MED18: variants seen among roughly 807,000 people sequenced by gnomAD.
The protein encoded by MED18 is mediator complex subunit 18.
Under a neutral mutation model 13.9 loss-of-function variants are expected in MED18, and 10 were observed. The ratio of observed to expected loss-of-function variants is 0.72; its 90% CI spans 0.44 to 1.22. The LOEUF (loss-of-function observed/expected upper bound fraction) is 1.22, where lower values mean the gene tolerates loss of function less well. Among genes scored for constraint, MED18 ranks in the 50% most tolerant of loss-of-function variants. The pLI is 0.00. For missense variants in MED18, 216 were observed against 279.0 expected (o/e 0.77, Z 1.61); for synonymous variants, 88 against 93.2 (o/e 0.94, Z 0.32).
chr1:28,332,250 T>TA lies in MED18; in HGVS notation c.73+1526dup, dbSNP rs35755917. On this transcript the variant is annotated intron_variant, in intron 2 of 2. Transcript: ENST00000373842. The stretch of plus-strand genomic sequence containing the variant: ...CAACATAGCAAGAACTCATCTCTAC[T>TA]AAAAAAAAAAATTAGCTGGGCATGG... 2.5e-4 allele frequency among the ~76,000 whole-genome samples: 36 copies of TA among 146,326 alleles called. 1 individual carries two copies. Among genetic ancestry groups the TA allele is most frequent in the African/African-American group, 2.2e-4 (9 of 40,114 alleles).
At position 28,330,708 on chromosome 1, in the gene MED18, A is replaced by G. The variant is rs767735318; in HGVS notation, c.46A>G (p.Ile16Val). Residue 16 changes from isoleucine (I) to valine (V), a missense_variant, in exon 2 of 3, where the codon ATT (isoleucine) becomes GTT (valine). Physicochemically the swap from Ile to Val is conservative, Grantham distance 29. Transcript: ENST00000373842. The part of the protein sequence containing the change: ...VTMMPVTGGT[I>V]NMMEYLLQGS... Reference sequence around the variant, plus strand: ...CATGATGCCTGTCACTGGGGGCACCATTAACATGATGGAGTACCTGTTGCA... The same window carrying G: ...CATGATGCCTGTCACTGGGGGCACCGTTAACATGATGGAGTACCTGTTGCA... 25 of 1,603,542 alleles carry G rather than the reference A, an allele frequency of 1.6e-5. No homozygotes were observed. The South Asian group carries it at 2.6e-4, about 17-fold the overall frequency.
At chr1:28,329,441 AG>A (rs1649632979) in intron 1 of MED18, among the ~76,000 whole-genome samples, 1 of 151,756 alleles carries the variant, frequency 6.6e-6, no homozygotes, top group Admixed American at 6.6e-5. Context: ...GCTCGCCACC[AG>A]GCCTGGCTAA....
chr1:28,333,868 G>A lies in MED18; in HGVS notation c.74-549G>A, dbSNP rs535101054. Among the ~76,000 whole-genome samples the A allele has an allele frequency of 6.6e-5, 10 of 152,150 alleles. 1 individual carries two copies. Among genetic ancestry groups the A allele is most frequent in the Middle Eastern group, 3.4e-3 (1 of 294 alleles). Reference sequence around the variant, plus strand: ...AGCTAGACTCCGTCTCAAAAAAAGCGGGGGAGACTTTATATTTCTTCTATA... The same window carrying A: ...AGCTAGACTCCGTCTCAAAAAAAGCAGGGGAGACTTTATATTTCTTCTATA... On this transcript the variant is annotated intron_variant, in intron 2 of 2. Transcript: ENST00000373842.
At position 28,334,731 on chromosome 1, in the gene MED18, G is replaced by T; in HGVS notation, c.388G>T (p.Val130Phe). ...GGGCTTCCGCATGGACCATGAGTTTGTTGCTAAGGGACATTTGTTCCGTAA... is the reference window on the plus strand; with the variant it reads ...GGGCTTCCGCATGGACCATGAGTTTTTTGCTAAGGGACATTTGTTCCGTAA... ...EMGFRMDHEF[V>F]AKGHLFRKGI... Residue 130 changes from valine to phenylalanine, a missense_variant, in exon 3 of 3, where the codon GTT becomes TTT. Transcript: ENST00000373842. 1 of 1,614,212 alleles carries T rather than the reference G, an allele frequency of 6.2e-7. No individual in the cohort carries two copies. Among genetic ancestry groups the T allele is most frequent in the Non-Finnish European group, 8.5e-7 (1 of 1,180,044 alleles).
chr1:28,331,411 A>G (rs1200178848), intron 2 of MED18, among the ~76,000 whole-genome samples: 2 of 151,590 alleles, frequency 1.3e-5, no homozygotes, highest in African/African-American at 2.4e-5. Flanking sequence ...TGCAACCTCT[A>G]TCTACTTCCC....
At chr1:28,332,998 G>A (rs570169787) in intron 2 of MED18, among the ~76,000 whole-genome samples, 16 of 152,246 alleles carry the variant, frequency 1.1e-4, no homozygotes, top group African/African-American at 3.9e-4. Flanking sequence ...AAAGAAAGAG[G>A]GTGTGAGTCA....
intron 2 of MED18, among the ~76,000 whole-genome samples, chr1:28,332,844 G>A (rs140450093): frequency 9.8e-5 from 15 of 152,316 alleles, no homozygotes; most frequent in Admixed American, 2.6e-4. Context: ...AGAAGGCAAA[G>A]GTAGAAAGAG....
rs746688171 is a variant in MED18 at position 28,334,409 on chromosome 1, G to A, written c.74-8G>A. 16 of 1,604,736 alleles carry A rather than the reference G, an allele frequency of 1.0e-5. No individual in the cohort carries two copies. Among genetic ancestry groups the A allele is most frequent in the Admixed American group, 3.4e-5 (2 of 58,628 alleles). On this transcript the variant is annotated splice_region_variant and splice_polypyrimidine_tract_variant and intron_variant, in intron 2 of 2. Transcript: ENST00000373842. ...GACAGGACTCAGTGGTGCTTTTTCC[G>A]TTTTCAGGAAGTGTTTTAGATCACA...
chr1:28,332,128 C>CA (rs1425691273), intron 2 of MED18, among the ~76,000 whole-genome samples: 1 of 152,162 alleles, frequency 6.6e-6, no homozygotes, highest in African/African-American at 2.4e-5. Context: ...AAATGTATGT[C>CA]AAGCCAGCTG....
chr1:28,333,452 A>T (rs1021907720), intron 2 of MED18, among the ~76,000 whole-genome samples: 1 of 152,248 alleles, frequency 6.6e-6, no homozygotes, highest in Non-Finnish European at 1.5e-5. Flanking sequence ...TAGATTTCAT[A>T]GTGGGTATAA....
intron 1 of MED18, among the ~76,000 whole-genome samples, chr1:28,330,033 G>A (rs1557752638): frequency 6.6e-6 from 1 of 152,072 alleles, no homozygotes; most frequent in Admixed American, 6.5e-5. Flanking sequence ...ACTTTGGGAG[G>A]CCGGATCACC....
At chr1:28,334,015 G>T (rs1044731588) in intron 2 of MED18, among the ~76,000 whole-genome samples, 5 of 152,108 alleles carry the variant, frequency 3.3e-5, no homozygotes. Context: ...GGAGACCAAG[G>T]CCAGGAGTTC....
intron 2 of MED18, among the ~76,000 whole-genome samples, chr1:28,331,598 C>T (rs1169511593): frequency 6.6e-6 from 1 of 152,106 alleles, no homozygotes; most frequent in East Asian, 1.9e-4. Context: ...TCCCAAAGTG[C>T]TAGGATTACA....
chr1:28,333,118 A>G (rs1405853138), intron 2 of MED18, among the ~76,000 whole-genome samples: 1 of 152,206 alleles, frequency 6.6e-6, no homozygotes, highest in Non-Finnish European at 1.5e-5. Flanking sequence ...GAAAAAATCA[A>G]CAGTTTGATA....
intron 1 of MED18, among the ~76,000 whole-genome samples, chr1:28,329,930 CCTCTTTATTAT>C (rs1230128083): frequency 6.6e-6 from 1 of 152,090 alleles, no homozygotes; most frequent in African/African-American, 2.4e-5. Flanking sequence ...AATTTTGTTG[CCTCTTTATTAT>C]CTCGTTTGAG....
At position 28,334,840 on chromosome 1, in the gene MED18, C is replaced by T; in HGVS notation, c.497C>T (p.Ser166Phe). 1 of 1,614,086 alleles carries T rather than the reference C, an allele frequency of 6.2e-7. No homozygotes were observed. Among genetic ancestry groups the T allele is most frequent in the South Asian group, 1.1e-5 (1 of 91,080 alleles). The change falls in exon 3 of 3, where the codon TCC becomes TTC. Residue 166 changes from serine (S) to phenylalanine (F), a missense_variant. Ser to Phe is a radical substitution (Grantham distance 155, BLOSUM62 -2). Transcript: ENST00000373842. ...GACAGCACTGAGGCCTTGTCACTCT[C>T]CTATCTCGTGGAATTAAGTGTGGTA... ...NTDSTEALSL[S>F]YLVELSVVAP...
At position 28,334,580 on chromosome 1, in the gene MED18, AG is replaced by A. The variant is rs1273834706; in HGVS notation, c.241del (p.Ala81HisfsTer38). 1.2e-6 allele frequency: 2 copies of A among 1,614,180 alleles called. No homozygotes were observed. The highest frequency in any genetic ancestry group is 4.5e-5 in the East Asian group (2 of 44,884). On this transcript the variant is annotated frameshift_variant, in exon 3 of 3. Transcript: ENST00000373842. LOFTEE classifies it high-confidence loss of function. The stretch of plus-strand genomic sequence containing the variant: ...GGGCCCGACGCTCTATGGACAGGGC[AG>A]GGGCACCCTGGCATCTGCGCTACCT... ...LRARRSMDRA[G>X]APWHLRYLGQ...
Sources: allele counts gnomAD v4.1 joint callset (sites outside exome capture counted in the v4.1 genomes callset), GRCh38; gene constraint gnomAD v4.1.1; transcripts MANE v1.5; gene names NCBI Gene and HGNC (gene_info 2026-07-23, HGNC 2026-07-21).